Variants in MAGI1 observed in about 807,000 individuals in gnomAD.
MAGI1 encodes the protein membrane-associated guanylate kinase, WW and PDZ domain-containing protein 1.
MAGI1 carries 58 observed loss-of-function variants against 139.9 expected under a neutral mutation model. The ratio of observed to expected loss-of-function variants is 0.41; its 90% confidence interval spans 0.34 to 0.52. The LOEUF is 0.52. Ranked by LOEUF, MAGI1 falls within the 20% of genes least tolerant of loss-of-function variation. The pLI, the probability that MAGI1 is intolerant of heterozygous loss-of-function variation, is 0.12. For synonymous variants in MAGI1, 812 were observed against 737.9 expected (o/e 1.10, Z -1.63); for missense variants, 1,874 against 1,901.6 (o/e 0.99, Z 0.27).
At chr3:65,670,253 G>T (rs1405399350) in intron 1 of MAGI1, among the ~76,000 whole-genome samples, 1 of 151,902 alleles carries the variant, frequency 6.6e-6, no homozygotes, top group Non-Finnish European at 1.5e-5. Flanking sequence ...GTATCCTATT[G>T]TGTACTTTCC....
At chr3:65,506,423 C>T (rs2077291408) in intron 2 of MAGI1, among the ~76,000 whole-genome samples, 1 of 152,174 alleles carries the variant, frequency 6.6e-6, no homozygotes, top group Non-Finnish European at 1.5e-5. Context: ...CTTACTATAT[C>T]TCTAACAAAG....
chr3:65,905,317 A>G (rs1024918813), intron 1 of MAGI1, among the ~76,000 whole-genome samples: 1 of 152,026 alleles, frequency 6.6e-6, no homozygotes, highest in African/African-American at 2.4e-5. Context: ...AAAATACAAG[A>G]CCCAACTTTT....
At chr3:65,488,690 C>A (rs1216531204) in intron 3 of MAGI1, among the ~76,000 whole-genome samples, 4 of 150,606 alleles carry the variant, frequency 2.7e-5, no homozygotes, top group Non-Finnish European at 5.9e-5. Flanking sequence ...TCATATATTA[C>A]ACAGAGTCTT....
chr3:65,920,132 C>A (rs2062104944), intron 1 of MAGI1, among the ~76,000 whole-genome samples: 2 of 152,190 alleles, frequency 1.3e-5, no homozygotes, highest in African/African-American at 4.8e-5. Context: ...AAATTACCCA[C>A]AACAGTCCTG....
chr3:65,699,266 T>C (rs1376058650), intron 1 of MAGI1, among the ~76,000 whole-genome samples: 2 of 120,752 alleles, frequency 1.7e-5, no homozygotes, highest in Admixed American at 1.6e-4. Context: ...GGAACACTTT[T>C]ACACTGTTGG....
chr3:65,695,906 T>C (rs1252221190), intron 1 of MAGI1, among the ~76,000 whole-genome samples: 1 of 152,176 alleles, frequency 6.6e-6, no homozygotes, highest in Non-Finnish European at 1.5e-5. Context: ...TTACTCATCC[T>C]ACATCACCTA....
chr3:65,759,098 G>C (rs1390003525), intron 1 of MAGI1, among the ~76,000 whole-genome samples: 1 of 138,288 alleles, frequency 7.2e-6, no homozygotes, highest in Non-Finnish European at 1.5e-5. Flanking sequence ...AAAAAAAATG[G>C]AAAGTGAAAC....
rs1256560930 is a variant in MAGI1 at position 65,354,303 on chromosome 3, T to G, written c.*2075A>C. 6.6e-6 allele frequency: 1 copy of G among 152,666 alleles called. No individual in the cohort carries two copies. Among genetic ancestry groups the G allele is most frequent in the East Asian group, 1.9e-4 (1 of 5,202 alleles). The allele number at this position is 152,666 out of a possible 1,614,324, so 9.5% of individuals were successfully genotyped here. On this transcript the variant is annotated 3_prime_UTR_variant, in exon 23 of 23. Transcript: ENST00000402939. ...GCATTCACAGACTTTTCCCTCCTTT[T>G]TAGCTACAGAATGTATATTGTGTCT...
intron 1 of MAGI1, among the ~76,000 whole-genome samples, chr3:66,010,143 T>C (rs1253366144): frequency 1.6e-5 from 2 of 127,760 alleles, no homozygotes; most frequent in Non-Finnish European, 3.4e-5. Flanking sequence ...ACGACTAACA[T>C]ATAGAAAATG....
chr3:65,874,069 T>C (rs1244167919), intron 1 of MAGI1: 1 of 152,264 alleles, frequency 6.6e-6, no homozygotes, highest in African/African-American at 2.4e-5. Flanking sequence ...ACAGATAGCT[T>C]GAGCCCAAGC....
chr3:65,857,672 G>C (rs1328133781), intron 1 of MAGI1, among the ~76,000 whole-genome samples: 2 of 152,074 alleles, frequency 1.3e-5, no homozygotes, highest in African/African-American at 4.8e-5. Flanking sequence ...ACCTTATAAA[G>C]GTTTATAAAC....
chr3:65,384,157 T>C (rs1292100501), intron 14 of MAGI1, among the ~76,000 whole-genome samples: 1 of 152,224 alleles, frequency 6.6e-6, no homozygotes, highest in Non-Finnish European at 1.5e-5. Flanking sequence ...TTCCTTAAAA[T>C]AATTAAGGCT....
intron 1 of MAGI1, among the ~76,000 whole-genome samples, chr3:65,876,300 T>C (rs936440258): frequency 2.6e-5 from 4 of 151,940 alleles, no homozygotes. Flanking sequence ...GCCACTGCAC[T>C]CCAGCCTGGG....
At chr3:65,535,745 G>C (rs915181488) in intron 2 of MAGI1, among the ~76,000 whole-genome samples, 2 of 152,146 alleles carry the variant, frequency 1.3e-5, no homozygotes, top group Non-Finnish European at 2.9e-5. Flanking sequence ...GGTTTTATTT[G>C]GCAAAATGAA....
chr3:65,652,771 T>C (rs1375430083), intron 1 of MAGI1, among the ~76,000 whole-genome samples: 1 of 152,152 alleles, frequency 6.6e-6, no homozygotes, highest in East Asian at 1.9e-4. Context: ...GGCGAGGCTT[T>C]ACAGGGACTG....
Position 65,711,947 on chromosome 3 carries a change from C to T in MAGI1, c.314-89859G>A, listed in dbSNP as rs547697823. Among the ~76,000 whole-genome samples the T allele has an allele frequency of 8.4e-4, 128 of 151,912 alleles. 1 individual carries two copies. The highest frequency in any genetic ancestry group is 1.1e-3 in the Non-Finnish European group (77 of 68,030). On this transcript the variant is annotated intron_variant, in intron 1 of 22. Coordinates refer to ENST00000402939, the MANE Select transcript of MAGI1 (RefSeq NM_001033057.2). ...CTCTGATCATATCTCCTTCAGAACC[C>T]TTACCATATTGCAATTTATCTTTTA...
intron 1 of MAGI1, among the ~76,000 whole-genome samples, chr3:65,850,769 C>T (rs539036312): frequency 1.1e-4 from 16 of 152,250 alleles, no homozygotes; most frequent in African/African-American, 3.4e-4. Context: ...TGAGAACAGT[C>T]ATTAACCTTG....
intron 1 of MAGI1, among the ~76,000 whole-genome samples, chr3:65,731,638 G>C (rs984414004): frequency 4.8e-5 from 7 of 146,300 alleles, no homozygotes; most frequent in Non-Finnish European, 8.9e-5. Flanking sequence ...CTGGGTGACA[G>C]AGTGAGACTC....
intron 1 of MAGI1, among the ~76,000 whole-genome samples, chr3:65,685,453 C>T (rs1476868278): frequency 5.3e-5 from 8 of 152,088 alleles, no homozygotes; most frequent in Admixed American, 4.6e-4. Flanking sequence ...ATGAATATAT[C>T]GTTTTCATAT....
Sources: gnomAD v4.1 joint callset for allele counts (sites outside exome capture counted in the v4.1 genomes callset) on GRCh38, gnomAD v4.1.1 for gene constraint, MANE v1.5 for transcripts, NCBI Gene and HGNC (gene_info 2026-07-23, HGNC 2026-07-21) for gene names.